The following RAPGEF5 variants were observed in gnomAD, a reference collection of about 807,000 sequenced individuals.
RAPGEF5 encodes M-Ras-regulated GEF.
In RAPGEF5, 65 loss-of-function variants were observed where a neutral mutation model predicts 125.2. The ratio of observed to expected loss-of-function variants is 0.52; its 90% CI spans 0.43 to 0.64. The LOEUF (loss-of-function observed/expected upper bound fraction) is 0.64. Ranked by LOEUF, RAPGEF5 falls within the 30% of genes least tolerant of loss-of-function variation. The pLI is 0.00. For synonymous variants in RAPGEF5, 391 were observed against 385.9 expected (o/e 1.01, Z -0.16); for missense variants, 958 against 1,048.1 (o/e 0.91, Z 1.19).
At chr7:22,311,060 C>G (rs1783458502) in intron 3 of RAPGEF5, among the ~76,000 whole-genome samples, 2 of 152,204 alleles carry the variant, frequency 1.3e-5, no homozygotes, top group South Asian at 2.1e-4. Flanking sequence ...GGGTCATACT[C>G]TATCACCCAG....
chr7:22,348,658 G>T (rs1220378840), intron 1 of RAPGEF5, among the ~76,000 whole-genome samples: 1 of 152,216 alleles, frequency 6.6e-6, no homozygotes, highest in African/African-American at 2.4e-5. Context: ...TCAAGCCATG[G>T]CCAAAGCTTC....
intron 17 of RAPGEF5, 49 bp from the exon 18 acceptor site, chr7:22,150,553 G>C: frequency 6.6e-7 from 1 of 1,524,510 alleles, no homozygotes; most frequent in Non-Finnish European, 8.8e-7. Flanking sequence ...AAATACAAGA[G>C]TAGCAGCAGT....
rs756572793 is a variant in RAPGEF5, at chr7:22,122,395, G to C, written c.*11C>G. The C allele has an allele frequency of 5.0e-6, 8 of 1,596,902 alleles. No homozygotes were observed. In the South Asian group the frequency reaches 7.7e-5, roughly 15 times the overall value. On this transcript the variant is annotated 3_prime_UTR_variant, in exon 26 of 26. Coordinates refer to ENST00000665637, the MANE Select transcript of RAPGEF5 (RefSeq NM_012294.5). ...AGTGCTGCAGATACAGGGGAGGTGA[G>C]GCAGTGGGGCTCACACCCGAGGCTC...
At chr7:22,252,102 T>C (rs1786637905) in intron 7 of RAPGEF5, among the ~76,000 whole-genome samples, 1 of 152,126 alleles carries the variant, frequency 6.6e-6, no homozygotes. Context: ...TTAATGCCTC[T>C]CCCCCGCCTT....
intron 6 of RAPGEF5, among the ~76,000 whole-genome samples, chr7:22,269,308 C>T (rs894504021): frequency 3.3e-5 from 5 of 152,030 alleles, no homozygotes. Flanking sequence ...AGCATCTTCA[C>T]AGTTCTTTTT....
chr7:22,197,940 A>C (rs1214354134), intron 9 of RAPGEF5, among the ~76,000 whole-genome samples: 1 of 143,348 alleles, frequency 7.0e-6, no homozygotes, highest in Non-Finnish European at 1.5e-5. Context: ...CCCAGGCTGG[A>C]GTGCAGGAGC....
At position 22,224,712 on chromosome 7, in the gene RAPGEF5, G is replaced by A. The variant is rs1408899072; in HGVS notation, c.871-4721C>T. On this transcript the variant is annotated intron_variant, in intron 8 of 25. Transcript: ENST00000665637. ...TAGCTATAACTAACCCGTCACCATGGGGAGCCTGTTCCCTCCTTTCACCGG... is the reference window on the plus strand; with the variant it reads ...TAGCTATAACTAACCCGTCACCATGAGGAGCCTGTTCCCTCCTTTCACCGG... Among the ~76,000 whole-genome samples the A allele has an allele frequency of 4.6e-5, 7 of 152,070 alleles. No homozygotes were observed. In the East Asian group the frequency reaches 1.3e-3, roughly 29 times the overall value.
At chr7:22,259,883 C>G (rs757355356) in intron 7 of RAPGEF5, among the ~76,000 whole-genome samples, 2 of 152,204 alleles carry the variant, frequency 1.3e-5, no homozygotes, top group Non-Finnish European at 2.9e-5. Flanking sequence ...CAGGCGTGAG[C>G]CACCACGCCC....
rs140176986 is a variant in RAPGEF5 at position 22,351,787 on chromosome 7, C to T, written c.231+5043G>A. Reference sequence around the variant, plus strand: ...GGGCATACTGGTATATAATTTGGATCGGTTTCTATTTCTCAATCAATAAAG... The same window carrying T: ...GGGCATACTGGTATATAATTTGGATTGGTTTCTATTTCTCAATCAATAAAG... On this transcript the variant is annotated intron_variant, in intron 1 of 25. Transcript: ENST00000665637. Among the ~76,000 whole-genome samples, 54 of 152,246 alleles carry T rather than the reference C, an allele frequency of 3.5e-4. No individual in the cohort carries two copies. In the East Asian group the frequency reaches 6.2e-3, roughly 17 times the overall value.
chr7:22,293,569 C>G (rs1283933065), intron 5 of RAPGEF5, among the ~76,000 whole-genome samples: 1 of 152,190 alleles, frequency 6.6e-6, no homozygotes, highest in South Asian at 2.1e-4. Flanking sequence ...TCAGGATCAC[C>G]TTTCTAAAAC....
At chr7:22,201,473 T>C (rs1188075855) in intron 9 of RAPGEF5, among the ~76,000 whole-genome samples, 2 of 152,228 alleles carry the variant, frequency 1.3e-5, no homozygotes, top group African/African-American at 4.8e-5. Context: ...TTGTGTTAAG[T>C]TTTCATTAAT....
chr7:22,228,298 C>A (rs548235919), intron 8 of RAPGEF5, among the ~76,000 whole-genome samples: 23 of 152,266 alleles, frequency 1.5e-4, no homozygotes, highest in Non-Finnish European at 2.6e-4. Context: ...CCCTTACCGG[C>A]ACATCTATAA....
chr7:22,307,522 A>G (rs1014067488), intron 5 of RAPGEF5, among the ~76,000 whole-genome samples: 3 of 152,110 alleles, frequency 2.0e-5, no homozygotes, highest in South Asian at 4.1e-4. Context: ...GGAGACTTCA[A>G]TTCCCTAATC....
At chr7:22,299,523 GAAATAA>G (rs1377402466) in intron 5 of RAPGEF5, among the ~76,000 whole-genome samples, 1 of 151,896 alleles carries the variant, frequency 6.6e-6, no homozygotes, top group African/African-American at 2.4e-5. Context: ...ATATTTTAAA[GAAATAA>G]AAATAAAAAA....
intron 1 of RAPGEF5, among the ~76,000 whole-genome samples, chr7:22,348,344 T>G (rs1056706547): frequency 1.3e-5 from 2 of 152,256 alleles, no homozygotes; most frequent in African/African-American, 2.4e-5. Flanking sequence ...AATGATTTTA[T>G]TCTATTGTAA....
At chr7:22,262,963 T>A (rs1472556579) in intron 7 of RAPGEF5, among the ~76,000 whole-genome samples, 1 of 152,116 alleles carries the variant, frequency 6.6e-6, no homozygotes, top group East Asian at 1.9e-4. Context: ...AGACCCTGTC[T>A]CAAAACAAAC....
At chr7:22,138,433 C>G (rs546984911) in intron 21 of RAPGEF5, among the ~76,000 whole-genome samples, 2 of 152,190 alleles carry the variant, frequency 1.3e-5, no homozygotes, top group South Asian at 4.1e-4. Flanking sequence ...GTTTGCTGAC[C>G]TCTGATCTGT....
chr7:22,289,164 A>G, intron 6 of RAPGEF5, among the ~76,000 whole-genome samples: 1 of 151,794 alleles, frequency 6.6e-6, no homozygotes, highest in East Asian at 1.9e-4. Flanking sequence ...CTTTGTGCAC[A>G]ATTTCCAACT....
At chr7:22,225,894 G>A (rs561135707) in intron 8 of RAPGEF5, among the ~76,000 whole-genome samples, 56 of 152,270 alleles carry the variant, frequency 3.7e-4, no homozygotes, top group African/African-American at 1.3e-3. Context: ...CAGCCTTTGA[G>A]GAGAGAAATG....
Sources: gnomAD v4.1 joint callset for allele counts (sites outside exome capture counted in the v4.1 genomes callset) on GRCh38, gnomAD v4.1.1 for gene constraint, MANE v1.5 for transcripts, NCBI Gene and HGNC (gene_info 2026-07-23, HGNC 2026-07-21) for gene names.